KDM4B: variants seen among roughly 807,000 people sequenced by gnomAD.
The protein encoded by KDM4B is lysine demethylase 4B.
Under a neutral mutation model 125.2 loss-of-function variants are expected in KDM4B, and 32 were observed. That is an observed-to-expected ratio of 0.26 (90% CI 0.19 to 0.34). KDM4B has a LOEUF of 0.34. Ranked by LOEUF, KDM4B falls within the 10% of genes least tolerant of loss-of-function variation. The pLI is 1.00. For synonymous variants in KDM4B, 721 were observed against 677.9 expected (o/e 1.06, Z -0.99); for missense variants, 1,190 against 1,577.7 (o/e 0.75, Z 4.16).
chr19:5,075,994 G>A, intron 7 of KDM4B: 1 of 167,790 alleles, frequency 6.0e-6, no homozygotes, highest in Non-Finnish European at 1.3e-5. Flanking sequence ...ACCGTCCCTG[G>A]CTGGTCTGGT....
At chr19:4,998,506 T>TA (rs1424658002) in intron 1 of KDM4B, among the ~76,000 whole-genome samples, 1 of 152,212 alleles carries the variant, frequency 6.6e-6, no homozygotes, top group Non-Finnish European at 1.5e-5. Flanking sequence ...CACTTCTTCC[T>TA]AAACTGTCAG....
chr19:5,070,726 G>A (rs1017785490), intron 6 of KDM4B: 37 of 351,484 alleles, frequency 1.1e-4, no homozygotes, highest in African/African-American at 7.0e-4. Context: ...GTGGAGTGCC[G>A]CTTAACCGGG....
chr19:5,086,465 G>C (rs2038501170), intron 9 of KDM4B, among the ~76,000 whole-genome samples: 1 of 152,218 alleles, frequency 6.6e-6, no homozygotes, highest in South Asian at 2.1e-4. Flanking sequence ...CCACAAATGA[G>C]CAGCCTGTGC....
At chr19:5,088,608 C>T (rs2038582239) in intron 9 of KDM4B, among the ~76,000 whole-genome samples, 2 of 152,004 alleles carry the variant, frequency 1.3e-5, no homozygotes, top group African/African-American at 2.4e-5. Context: ...GAGCAGAGAC[C>T]ACCGGAGTCC....
At chr19:5,149,695 A>G (rs1281651811) in intron 21 of KDM4B, among the ~76,000 whole-genome samples, 6 of 152,164 alleles carry the variant, frequency 3.9e-5, no homozygotes, top group Non-Finnish European at 7.4e-5. Flanking sequence ...AGTCTCCGCG[A>G]GCCTGAGCTG....
chr19:5,037,758 C>A (rs1008660458), intron 3 of KDM4B, among the ~76,000 whole-genome samples: 1 of 152,220 alleles, frequency 6.6e-6, no homozygotes, highest in Non-Finnish European at 1.5e-5. Flanking sequence ...CACCCTCAGT[C>A]GTGAAAGCCA....
At chr19:5,085,787 G>T (rs74172687) in intron 9 of KDM4B, among the ~76,000 whole-genome samples, 10,345 of 152,298 alleles carry the variant, frequency 0.068, 445 homozygotes, top group Middle Eastern at 0.14. Flanking sequence ...TGGCCGTCGG[G>T]GGGGTCGGTG....
chr19:5,132,148 C>T, intron 13 of KDM4B, 141 bp downstream of exon 13: 1 of 1,096,162 alleles, frequency 9.1e-7, no homozygotes, highest in Non-Finnish European at 1.3e-6. Context: ...TTCTGTGGCT[C>T]TGCCGTAGCG....
intron 2 of KDM4B, among the ~76,000 whole-genome samples, chr19:5,027,684 G>A (rs1406880534): frequency 6.6e-6 from 1 of 151,524 alleles, no homozygotes; most frequent in African/African-American, 2.4e-5. Flanking sequence ...GGGGTTACAG[G>A]CACCCACCAC....
At chr19:5,104,827 G>A (rs746344993) in intron 9 of KDM4B, among the ~76,000 whole-genome samples, 1 of 152,114 alleles carries the variant, frequency 6.6e-6, no homozygotes, top group Non-Finnish European at 1.5e-5. Context: ...AGCAAACCCG[G>A]GAGAACCAGA....
At chr19:5,073,855 A>G (rs544958750) in intron 7 of KDM4B, among the ~76,000 whole-genome samples, 13 of 152,208 alleles carry the variant, frequency 8.5e-5, no homozygotes, top group African/African-American at 2.9e-4. Context: ...AGTAGCTCAC[A>G]CCTGGAATCC....
chr19:5,072,847 G>A (rs971471883), intron 7 of KDM4B, among the ~76,000 whole-genome samples: 2 of 152,110 alleles, frequency 1.3e-5, no homozygotes, highest in Non-Finnish European at 2.9e-5. Flanking sequence ...CCCACTTCCC[G>A]CCTTTTCCAG....
intron 6 of KDM4B, among the ~76,000 whole-genome samples, chr19:5,061,928 A>G (rs558074808): frequency 2.6e-5 from 4 of 152,014 alleles, no homozygotes; most frequent in Non-Finnish European, 2.9e-5. Context: ...GAGTTCTGTC[A>G]TTGCCTTGGG....
chr19:4,991,863 TCTTGGGATTG>T (rs1273395731), intron 1 of KDM4B, among the ~76,000 whole-genome samples: 1 of 152,198 alleles, frequency 6.6e-6, no homozygotes, highest in East Asian at 1.9e-4. Context: ...GTATTTAACC[TCTTGGGATTG>T]GGTTTTTTCG....
intron 10 of KDM4B, chr19:5,119,173 C>T: frequency 1.3e-6 from 2 of 1,535,398 alleles, no homozygotes; most frequent in Non-Finnish European, 1.7e-6. Context: ...GGAGAGGAAA[C>T]CAAGTCTAGA....
At chr19:5,003,514 T>C (rs773474654) in intron 1 of KDM4B, among the ~76,000 whole-genome samples, 6 of 147,604 alleles carry the variant, frequency 4.1e-5, no homozygotes, top group Admixed American at 6.7e-5. Context: ...AACAAATAAA[T>C]AAATCCCTGC....
intron 10 of KDM4B, 144 bp from the exon 11 acceptor site, chr19:5,119,509 C>T: frequency 1.2e-6 from 1 of 838,916 alleles, no homozygotes; most frequent in Non-Finnish European, 2.0e-6. Context: ...TCCCTTTACC[C>T]CCGGCCTCCA....
intron 10 of KDM4B, chr19:5,112,702 G>A (rs925454303): frequency 6.6e-6 from 1 of 152,300 alleles, no homozygotes; most frequent in Non-Finnish European, 1.5e-5. Context: ...CCCACCTCGC[G>A]GCCTCTCTCG....
At chr19:5,030,432 G>T (rs2036414984) in intron 2 of KDM4B, among the ~76,000 whole-genome samples, 1 of 152,226 alleles carries the variant, frequency 6.6e-6, no homozygotes, top group African/African-American at 2.4e-5. Flanking sequence ...GGGGCAGGTG[G>T]GCTTTGATGA....
Sources: allele counts gnomAD v4.1 joint callset (sites outside exome capture counted in the v4.1 genomes callset), GRCh38; gene constraint gnomAD v4.1.1; transcripts MANE v1.5; gene names NCBI Gene and HGNC (gene_info 2026-07-23, HGNC 2026-07-21).